Variants in BRWD1 observed in about 807,000 individuals in gnomAD.
BRWD1 encodes the protein bromodomain and WD repeat domain containing 1, also known as bromodomain and WD repeat-containing protein 1.
Under a neutral mutation model 251.2 loss-of-function variants are expected in BRWD1, and 82 were observed. The ratio of observed to expected loss-of-function variants is 0.33; its 90% confidence interval spans 0.27 to 0.39. The LOEUF is 0.39. Among genes scored for constraint, BRWD1 ranks in the 10% least tolerant of loss-of-function variants. The pLI, the probability that BRWD1 is intolerant of heterozygous loss-of-function variation, is 1.00. For synonymous variants in BRWD1, 918 were observed against 902.8 expected, an observed-to-expected ratio of 1.02 and a Z score of -0.30; for missense variants, 2,233 against 2,711.6, an observed-to-expected ratio of 0.82 and a Z score of 3.92.
chr21:39,274,868 C>T (rs1330786915), intron 12 of BRWD1, among the ~76,000 whole-genome samples: 2 of 151,996 alleles, frequency 1.3e-5, no homozygotes, highest in Non-Finnish European at 2.9e-5. Context: ...GGTGAAACCC[C>T]GTCTCTACTA....
chr21:39,205,516 A>T (rs1426207548), intron 37 of BRWD1, among the ~76,000 whole-genome samples: 1 of 152,168 alleles, frequency 6.6e-6, no homozygotes, highest in Non-Finnish European at 1.5e-5. Context: ...TCACACCTGC[A>T]ATCCTAGCAC....
At chr21:39,202,301 A>G (rs1481470309) in intron 38 of BRWD1, 24 bp downstream of exon 38, 3 of 1,566,816 alleles carry the variant, frequency 1.9e-6, no homozygotes, top group Admixed American at 3.4e-5. Context: ...CAGCAAAGAA[A>G]TAACATAGTA....
chr21:39,242,296 G>C (rs1388334466), intron 21 of BRWD1, among the ~76,000 whole-genome samples: 1 of 152,218 alleles, frequency 6.6e-6, no homozygotes, highest in Non-Finnish European at 1.5e-5. Context: ...TTTGGTGTCT[G>C]GATAGAGGGT....
At position 39,196,399 on chromosome 21, in the gene BRWD1, C is replaced by T. The variant is rs2031814389; in HGVS notation, c.6670G>A (p.Asp2224Asn). 6.2e-7 allele frequency: 1 copy of T among 1,613,618 alleles called. No homozygotes were observed. Among genetic ancestry groups the T allele is most frequent in the African/African-American group, 1.3e-5 (1 of 74,892 alleles). ...SVDDNDWEDLDYAKSKRVLRR... is the reference protein window; with the variant it reads ...SVDDNDWEDLNYAKSKRVLRR... Reference sequence around the variant, plus strand: ...AGAACTCTTTTAGATTTTGCATAGTCCAAATCCTCCCAGTCATTATCATCC... The same window carrying T: ...AGAACTCTTTTAGATTTTGCATAGTTCAAATCCTCCCAGTCATTATCATCC... Residue 2224 changes from aspartate to asparagine, a missense_variant, in exon 41 of 41, where the codon GAC (aspartate) becomes AAC (asparagine). Physicochemically the swap from Asp to Asn is conservative, Grantham distance 23. This residue lies in a region of BRWD1 where 928 missense variants were observed against 970.0 expected (regional missense o/e 0.96). Transcript: ENST00000342449.
chr21:39,189,158 T>A lies in BRWD1; in HGVS notation c.*7101A>T. The A allele has an allele frequency of 1.0e-6, 1 of 984,476 alleles. No homozygotes were observed. Among genetic ancestry groups the A allele is most frequent in the Non-Finnish European group, 1.2e-6 (1 of 829,064 alleles). The allele number at this position is 984,476 out of a possible 1,614,324, so 61.0% of individuals were successfully genotyped here. ...TATGCTACAAAGGGTAAACAAAAAT[T>A]TTAAAATATGCAAAATTAAGGTGAA... On this transcript the variant is annotated 3_prime_UTR_variant, in exon 41 of 41. Coordinates refer to ENST00000342449, the MANE Select transcript of BRWD1 (RefSeq NM_033656.4).
chr21:39,270,242 C>A, intron 14 of BRWD1, 41 bp downstream of exon 14: 1 of 1,483,780 alleles, frequency 6.7e-7, no homozygotes, highest in South Asian at 1.4e-5. Flanking sequence ...AATCATATTT[C>A]AAAAAATCTC....
chr21:39,313,501 CGGGGCGG>C lies in BRWD1; in HGVS notation c.-17_-11del, dbSNP rs1204864314. The C allele has an allele frequency of 1.9e-6, 2 of 1,068,244 alleles. No homozygotes were observed. The highest frequency in any genetic ancestry group is 1.2e-6 in the Non-Finnish European group (1 of 869,008). The allele number at this position is 1,068,244 out of a possible 1,614,324, so 66.2% of individuals were successfully genotyped here. ...ACGACGGCTCCGCCATGGCCGGGCG[CGGGGCGG>C]GAGGCGGGAGCGAGCGAGCGAGCGG... On this transcript the variant is annotated 5_prime_UTR_variant, in exon 1 of 41. Transcript: ENST00000342449.
chr21:39,189,619 A>G lies in BRWD1; in HGVS notation c.*6640T>C. On this transcript the variant is annotated 3_prime_UTR_variant, in exon 41 of 41. Transcript: ENST00000342449. ...AGCTGAATCTCTTAAGTCTTAGACA[A>G]TAAAACAGGAATTTCAGAGAATAAG... 1 of 982,132 alleles carries G rather than the reference A, an allele frequency of 1.0e-6. No individual in the cohort carries two copies. Among genetic ancestry groups the G allele is most frequent in the Middle Eastern group, 5.2e-4 (1 of 1,910 alleles). 60.8% of individuals were successfully genotyped at this position (982,132 alleles called of 1,614,324 possible).
In BRWD1 at chr21:39,197,340, C is replaced by T. The variant is rs748298726; in HGVS notation, c.5729G>A (p.Ser1910Asn). The T allele has an allele frequency of 1.9e-6, 3 of 1,613,848 alleles. No individual in the cohort carries two copies. The highest frequency in any genetic ancestry group is 2.2e-5 in the South Asian group (2 of 91,076). The change falls in exon 41 of 41, where the codon AGT (serine) becomes AAT (asparagine). Residue 1910 changes from serine (S) to asparagine (N), a missense_variant. Ser to Asn is a conservative substitution (Grantham distance 46). Around this residue, in one of 12 missense-constraint regions of BRWD1, gnomAD observed 928 missense variants for 970.0 expected, o/e 0.96. Transcript: ENST00000342449. ...KRVCSSDSDS[S>N]LQVVKKSSKA... ...TGATGATTTCTTAACCACCTGTAAA[C>T]TACTGTCTGAGTCACTGGAACAGAC...
intron 4 of BRWD1, among the ~76,000 whole-genome samples, chr21:39,309,017 T>G (rs1256804656): frequency 1.3e-5 from 2 of 151,796 alleles, no homozygotes; most frequent in Non-Finnish European, 2.9e-5. Context: ...CTACTAAAAC[T>G]ACGAAAATTA....
At chr21:39,262,912 T>A (rs1336765426) in intron 17 of BRWD1, among the ~76,000 whole-genome samples, 1 of 151,958 alleles carries the variant, frequency 6.6e-6, no homozygotes, top group Non-Finnish European at 1.5e-5. Flanking sequence ...TGTCAAAACA[T>A]ACTTGACAGC....
chr21:39,276,143 C>G, intron 12 of BRWD1, 30 bp downstream of exon 12: 2 of 1,575,120 alleles, frequency 1.3e-6, no homozygotes, highest in Non-Finnish European at 1.7e-6. Context: ...CCTAATAACA[C>G]ACACACACAC....
At chr21:39,302,021 G>T (rs1248922640) in intron 4 of BRWD1, among the ~76,000 whole-genome samples, 1 of 132,568 alleles carries the variant, frequency 7.5e-6, no homozygotes, top group Non-Finnish European at 1.5e-5. Context: ...CTTGCTCCGT[G>T]GTCCAGGCTG....
At chr21:39,262,887 T>C (rs2034800801) in intron 17 of BRWD1, among the ~76,000 whole-genome samples, 1 of 152,040 alleles carries the variant, frequency 6.6e-6, no homozygotes, top group African/African-American at 2.4e-5. Flanking sequence ...TGGTAGTTAC[T>C]TATTATTTAA....
rs1184293243 is a variant in BRWD1, at chr21:39,274,318, A to C, written c.1244+56T>G. 5 of 1,320,486 alleles carry C rather than the reference A, an allele frequency of 3.8e-6. No individual in the cohort carries two copies. The East Asian group carries it at 1.2e-4, about 30-fold the overall frequency. The allele number at this position is 1,320,486 out of a possible 1,614,324, so 81.8% of individuals were successfully genotyped here. A position where few individuals can be genotyped will look rare whatever the true frequency, so the allele number is the denominator to read the frequency against. ...GACACAGAGAGCGAGAGAGAGAGAG[A>C]GAGAGAGACAGATCGAACACCTATG... On this transcript the variant is annotated intron_variant, in intron 13 of 40. Coordinates refer to ENST00000342449, the MANE Select transcript of BRWD1 (RefSeq NM_033656.4).
At chr21:39,270,188 G>A (rs2035054576) in intron 14 of BRWD1, 95 bp downstream of exon 14, 5 of 1,269,304 alleles carry the variant, frequency 3.9e-6, no homozygotes, top group Middle Eastern at 5.6e-4. Context: ...TTACATGAGA[G>A]AAACAACTTG....
At chr21:39,277,497 T>C (rs2035314696) in intron 10 of BRWD1, 146 bp from the exon 11 acceptor site, 2 of 516,138 alleles carry the variant, frequency 3.9e-6, no homozygotes, top group Admixed American at 4.0e-5. Context: ...ACTCACTATA[T>C]AGAGGTTATA....
At position 39,192,319 on chromosome 21, in the gene BRWD1, T is replaced by C; in HGVS notation, c.*3940A>G. On this transcript the variant is annotated 3_prime_UTR_variant, in exon 41 of 41. Transcript: ENST00000342449. ...AGGAATTAACATTTGCTAATCTAGTTGGACTCAGTTTTTCCCACAATGCTC... is the reference window on the plus strand; with the variant it reads ...AGGAATTAACATTTGCTAATCTAGTCGGACTCAGTTTTTCCCACAATGCTC... 2.0e-6 allele frequency: 2 copies of C among 985,284 alleles called. No homozygotes were observed. Among genetic ancestry groups the C allele is most frequent in the African/African-American group, 1.7e-5 (1 of 57,338 alleles). 61.0% of individuals were successfully genotyped at this position (985,284 alleles called of 1,614,324 possible).
chr21:39,246,470 CAT>C (rs2034192725), intron 21 of BRWD1, among the ~76,000 whole-genome samples: 1 of 152,154 alleles, frequency 6.6e-6, no homozygotes, highest in Admixed American at 6.5e-5. Context: ...AAAGTTAAAA[CAT>C]AAAACTTGCC....
Sources: allele counts gnomAD v4.1 joint callset (sites outside exome capture counted in the v4.1 genomes callset), GRCh38; gene constraint gnomAD v4.1.1; regional missense constraint gnomAD v4.1.1; transcripts MANE v1.5; gene names NCBI Gene and HGNC (gene_info 2026-07-23, HGNC 2026-07-21).